IQSEC1: variants seen among roughly 807,000 people sequenced by gnomAD.
IQSEC1 encodes the protein IQ motif and Sec7 domain ArfGEF 1, also known as IQ motif and SEC7 domain-containing protein 1.
A neutral mutation model predicts 91.0 loss-of-function variants in IQSEC1; 31 were observed. That is an observed-to-expected ratio of 0.34 (90% CI 0.26 to 0.46). The LOEUF is 0.46. Among genes scored for constraint, IQSEC1 ranks in the 20% least tolerant of loss-of-function variants. IQSEC1 has a pLI of 1.00. For missense variants in IQSEC1, 1,388 were observed against 1,575.6 expected, an observed-to-expected ratio of 0.88 and a Z score of 2.02; for synonymous variants, 699 against 662.6, an observed-to-expected ratio of 1.05 and a Z score of -0.84.
At chr3:13,206,385 C>T (rs959503631) in intron 1 of IQSEC1, among the ~76,000 whole-genome samples, 6 of 152,154 alleles carry the variant, frequency 3.9e-5, no homozygotes, top group African/African-American at 1.4e-4. Context: ...CATGACAAGA[C>T]GCTCTACATC....
chr3:13,142,598 A>G (rs903112715), intron 2 of IQSEC1, among the ~76,000 whole-genome samples: 1 of 152,238 alleles, frequency 6.6e-6, no homozygotes, highest in Non-Finnish European at 1.5e-5. Flanking sequence ...TACAGCCTGT[A>G]GGCCACATAG....
intron 1 of IQSEC1, among the ~76,000 whole-genome samples, chr3:13,269,545 T>A (rs1461714624): frequency 6.6e-6 from 1 of 152,152 alleles, no homozygotes; most frequent in Non-Finnish European, 1.5e-5. Flanking sequence ...GCATCCTCAG[T>A]GCCCAAGCCA....
chr3:13,282,407 G>A lies in IQSEC1; in HGVS notation c.272+304C>T, dbSNP rs1039443141. Among the ~76,000 whole-genome samples, 3 of 152,132 alleles carry A rather than the reference G, an allele frequency of 2.0e-5. No individual in the cohort carries two copies. The highest frequency in any genetic ancestry group is 4.4e-5 in the Non-Finnish European group (3 of 68,004). On this transcript the variant is annotated intron_variant, in intron 1 of 15. Coordinates refer to the IQSEC1 transcript ENST00000648114. The surrounding 1 kb of genome is among the most constrained non-coding windows in gnomAD (Gnocchi z 6.4). ...CTCCGCCCGGCTCGTCCGAGCCCCG[G>A]GGGTCGCCAACCCTGAGTCCGCGCC... is the stretch of plus-strand genomic sequence containing the variant.
rs1380365133 is a variant in IQSEC1, at chr3:12,908,265, C to A, written c.2755+84G>T. On this transcript the variant is annotated intron_variant, in intron 12 of 13. Transcript: ENST00000613206. This position sits in a 1 kb window ranked among gnomAD's most constrained non-coding sequence, Gnocchi z 4.9. ...TGGCTTCGCCGCAGGCCCTGCCCCG[C>A]GTGATGCATGCCCTGAATGCAGACG... 6.9e-7 allele frequency: 1 copy of A among 1,443,034 alleles called. No homozygotes were observed. 89.4% of individuals were successfully genotyped at this position (1,443,034 alleles called of 1,614,324 possible).
At chr3:13,051,887 T>G in intron 1 of IQSEC1, among the ~76,000 whole-genome samples, 1 of 152,096 alleles carries the variant, frequency 6.6e-6, no homozygotes, top group East Asian at 1.9e-4. Context: ...CAGACCAAGT[T>G]CCTGCGCCTA....
intron 2 of IQSEC1, among the ~76,000 whole-genome samples, chr3:13,109,413 C>A (rs1706204240): frequency 6.6e-6 from 1 of 152,134 alleles, no homozygotes; most frequent in Non-Finnish European, 1.5e-5. Flanking sequence ...AGCTCATATC[C>A]AAGCTCTGCC....
intron 1 of IQSEC1, among the ~76,000 whole-genome samples, chr3:13,264,948 C>G (rs1207607624): frequency 6.6e-6 from 1 of 152,020 alleles, no homozygotes; most frequent in Non-Finnish European, 1.5e-5. Flanking sequence ...CTCTGTGTCT[C>G]TCTGTCTGTC....
intron 2 of IQSEC1, among the ~76,000 whole-genome samples, chr3:13,116,909 C>G (rs1353520569): frequency 6.6e-6 from 1 of 152,148 alleles, no homozygotes; most frequent in Non-Finnish European, 1.5e-5. Context: ...GGTAAATCCT[C>G]ATGACATCGG....
At chr3:12,903,210 C>T (rs908074324) in intron 12 of IQSEC1, among the ~76,000 whole-genome samples, 12 of 152,166 alleles carry the variant, frequency 7.9e-5, no homozygotes, top group African/African-American at 2.4e-4. Flanking sequence ...GGGGTGAGGG[C>T]AGCTTCCACA....
rs751369634 is a variant in IQSEC1, at chr3:12,941,767, G to A, written c.122C>T (p.Pro41Leu). 55 of 1,611,996 alleles carry A rather than the reference G, an allele frequency of 3.4e-5. No homozygotes were observed. The highest frequency in any genetic ancestry group is 6.7e-5 in the East Asian group (3 of 44,880). ...CACTGACGTGTGCTCGTAGTGATCC[G>A]GGCTCAGGCTGGAACCGGGCACCAA... ...GPLVPGSSLSPDHYEHTSVGA... is the reference protein window; with the variant it reads ...GPLVPGSSLSLDHYEHTSVGA... Residue 41 changes from proline (P) to leucine (L), a missense_variant, in exon 2 of 14, where the codon CCG (proline) becomes CTG (leucine). Coordinates refer to ENST00000613206, the MANE Select transcript of IQSEC1 (RefSeq NM_001134382.3).
At chr3:13,097,715 T>C (rs1244875181) in intron 2 of IQSEC1, among the ~76,000 whole-genome samples, 1 of 152,186 alleles carries the variant, frequency 6.6e-6, no homozygotes, top group Admixed American at 6.5e-5. Flanking sequence ...GATTGATGAG[T>C]AAGAATGAGG....
At chr3:13,111,324 C>T (rs978455034) in intron 2 of IQSEC1, among the ~76,000 whole-genome samples, 10 of 152,232 alleles carry the variant, frequency 6.6e-5, no homozygotes, top group African/African-American at 2.2e-4. Context: ...GCTACCTTGG[C>T]AGCCTCGTGG....
intron 1 of IQSEC1, among the ~76,000 whole-genome samples, chr3:13,038,265 T>C (rs1704115993): frequency 3.3e-5 from 1 of 30,304 alleles, no homozygotes. Context: ...TGTGTGTGTA[T>C]ATATATATAT....
chr3:13,236,198 G>A (rs1430521325), intron 1 of IQSEC1, among the ~76,000 whole-genome samples: 2 of 152,152 alleles, frequency 1.3e-5, no homozygotes, highest in Non-Finnish European at 2.9e-5. Context: ...CAGGCAGGAT[G>A]AATTCTCAGA....
At chr3:13,202,894 C>T (rs1337654660) in intron 1 of IQSEC1, among the ~76,000 whole-genome samples, 6 of 152,158 alleles carry the variant, frequency 3.9e-5, no homozygotes. Flanking sequence ...ATCAGTGTGC[C>T]GGGCGCCATT....
chr3:13,216,132 T>C (rs1694542707), intron 1 of IQSEC1, among the ~76,000 whole-genome samples: 1 of 152,210 alleles, frequency 6.6e-6, no homozygotes, highest in African/African-American at 2.4e-5. Context: ...CTTTGGCCAT[T>C]CTAGGAATCT....
At chr3:12,966,622 G>T (rs1559682224) in intron 1 of IQSEC1, among the ~76,000 whole-genome samples, 1 of 152,080 alleles carries the variant, frequency 6.6e-6, no homozygotes, top group Non-Finnish European at 1.5e-5. Flanking sequence ...AGTAGAAAAG[G>T]GTTGGCCCCT....
rs149726822 is a variant in IQSEC1 at position 12,992,180 on chromosome 3, G to C, written c.24-50315C>G. ...AGGGCCCCTCGGCTCTGAATACGCT[G>C]TGTGACCTTGGACATGTCCCTGCCT... is the stretch of plus-strand genomic sequence containing the variant. On this transcript the variant is annotated intron_variant, in intron 1 of 13. Coordinates refer to ENST00000613206, the MANE Select transcript of IQSEC1 (RefSeq NM_001134382.3). This position sits in a 1 kb window ranked among gnomAD's most constrained non-coding sequence, Gnocchi z 4.1. Among the ~76,000 whole-genome samples the C allele has an allele frequency of 6.6e-6, 1 of 152,136 alleles. No individual in the cohort carries two copies. Among genetic ancestry groups the C allele is most frequent in the Non-Finnish European group, 1.5e-5 (1 of 68,010 alleles).
chr3:12,974,223 C>T (rs1375637029), intron 1 of IQSEC1, among the ~76,000 whole-genome samples: 7 of 152,182 alleles, frequency 4.6e-5, no homozygotes, highest in African/African-American at 1.7e-4. Context: ...TGAGGGTTTT[C>T]TTTAGCACAC....
Sources: gnomAD v4.1 joint callset for allele counts (sites outside exome capture counted in the v4.1 genomes callset) on GRCh38, gnomAD v4.1.1 for gene constraint, Gnocchi (gnomAD v3.1) non-coding constraint, MANE v1.5 for transcripts, NCBI Gene and HGNC (gene_info 2026-07-23, HGNC 2026-07-21) for gene names.